ESYT2: variants seen among roughly 807,000 people sequenced by gnomAD.
The protein encoded by ESYT2 is extended synaptotagmin-2.
In ESYT2, 54 loss-of-function variants were observed where a neutral mutation model predicts 107.2. The ratio of observed to expected loss-of-function variants is 0.50; its 90% CI spans 0.40 to 0.63. The LOEUF (loss-of-function observed/expected upper bound fraction) is 0.63. Ranked by LOEUF, ESYT2 falls within the 30% of genes least tolerant of loss-of-function variation. The pLI is 0.00. For missense variants in ESYT2, 1,020 were observed against 1,094.5 expected, an observed-to-expected ratio of 0.93 and a Z score of 0.96; for synonymous variants, 491 against 434.1, an observed-to-expected ratio of 1.13 and a Z score of -1.63.
chr7:158,782,595 G>A (rs553727214), intron 6 of ESYT2, among the ~76,000 whole-genome samples: 14 of 22,472 alleles, frequency 6.2e-4, no homozygotes, highest in African/African-American at 9.5e-4. Context: ...TGAGTGTGAA[G>A]GAACAAGAGC....
chr7:158,820,542 G>A (rs974151766), intron 1 of ESYT2, among the ~76,000 whole-genome samples: 1 of 152,196 alleles, frequency 6.6e-6, no homozygotes. Context: ...TTCCCTCCCA[G>A]ATCTTTGGGA....
rs114103253 is a variant in ESYT2 at position 158,775,265 on chromosome 7, A to G, written c.748-1869T>C. On this transcript the variant is annotated intron_variant, in intron 6 of 22. Coordinates refer to ENST00000275418, the MANE Select transcript of ESYT2 (RefSeq NM_001367773.1). The stretch of plus-strand genomic sequence containing the variant: ...TCTGGCTGGTAGAGGGTTTTGCCTC[A>G]GTGCTGATGGTTGCTGACTGACCGG... Among the ~76,000 whole-genome samples the G allele has an allele frequency of 2.6e-3, 397 of 152,322 alleles. 4 individuals carry two copies. Among genetic ancestry groups the G allele is most frequent in the African/African-American group, 9.2e-3 (383 of 41,572 alleles).
rs1191361616 is a variant in ESYT2 at position 158,781,877 on chromosome 7, ACAAG to A, written c.747+6123_747+6126del. On this transcript the variant is annotated intron_variant, in intron 6 of 22. Coordinates refer to ENST00000275418, the MANE Select transcript of ESYT2 (RefSeq NM_001367773.1). The stretch of plus-strand genomic sequence containing the variant: ...GTGAGGTGTAAGTGTAAGAACGAGA[ACAAG>A]TAAGAACGAGAACAAGTGTGAGTGA... Among the ~76,000 whole-genome samples the A allele has an allele frequency of 9.6e-5, 7 of 72,652 alleles. No homozygotes were observed. In the Admixed American group the frequency reaches 1.1e-3, roughly 11 times the overall value. 47.7% of individuals were successfully genotyped at this position (72,652 alleles called of 152,430 possible).
intron 10 of ESYT2, 138 bp from the exon 11 acceptor site, chr7:158,761,682 C>G (rs1837968999): frequency 1.4e-6 from 1 of 703,514 alleles, no homozygotes; most frequent in African/African-American, 1.8e-5. Context: ...AGAAATGCAA[C>G]AAAACGCTAA....
At chr7:158,784,204 G>C (rs1290845256) in intron 6 of ESYT2, among the ~76,000 whole-genome samples, 1 of 152,216 alleles carries the variant, frequency 6.6e-6, no homozygotes, top group East Asian at 1.9e-4. Flanking sequence ...ATCCCAGAAA[G>C]TCGGGGAAAA....
chr7:158,829,217 C>G lies in ESYT2; in HGVS notation c.202G>C (p.Ala68Pro). Residue 68 changes from alanine (A) to proline (P), a missense_variant, in exon 1 of 23, where the codon GCG (alanine) becomes CCG (proline). By Grantham distance (27) the Ala-to-Pro change is conservative. Coordinates refer to ENST00000275418, the MANE Select transcript of ESYT2 (RefSeq NM_001367773.1). Reference protein sequence around the residue: ...LSFSWVLLALALLAWCRRSRG... With the variant: ...LSFSWVLLALPLLAWCRRSRG... ...CTGCGGCGACACCAGGCGAGCAGCG[C>G]GAGCGCGAGGAGAACCCAGCTGAAG... 1 of 1,529,546 alleles carries G rather than the reference C, an allele frequency of 6.5e-7. No homozygotes were observed. The highest frequency in any genetic ancestry group is 8.7e-7 in the Non-Finnish European group (1 of 1,145,934). 94.7% of individuals were successfully genotyped at this position (1,529,546 alleles called of 1,614,324 possible).
At position 158,748,374 on chromosome 7, in the gene ESYT2, A is replaced by G. The variant is rs1587384164; in HGVS notation, c.1558-94T>C. 9 of 1,062,622 alleles carry G rather than the reference A, an allele frequency of 8.5e-6. No homozygotes were observed. In the East Asian group the frequency reaches 2.2e-4, roughly 26 times the overall value. 65.8% of individuals were successfully genotyped at this position (1,062,622 alleles called of 1,614,324 possible). ...TAGAAGCTTAGAATGAAAAATAAAA[A>G]GAAAATAAATAAAACAAAAAACTAG... On this transcript the variant is annotated intron_variant, in intron 15 of 22. Coordinates refer to ENST00000275418, the MANE Select transcript of ESYT2 (RefSeq NM_001367773.1).
At position 158,761,560 on chromosome 7, in the gene ESYT2, TACG is replaced by T. The variant is rs760194630; in HGVS notation, c.1185-19_1185-17del. ...AATCATAAGACTATAAAAATAACAA[TACG>T]ACAACTTTAGAACATAGAAACACAT... On this transcript the variant is annotated splice_polypyrimidine_tract_variant and intron_variant, in intron 10 of 22. Transcript: ENST00000275418. 2 of 1,608,948 alleles carry T rather than the reference TACG, an allele frequency of 1.2e-6. No homozygotes were observed. Among genetic ancestry groups the T allele is most frequent in the Non-Finnish European group, 1.7e-6 (2 of 1,175,846 alleles).
At position 158,759,499 on chromosome 7, in the gene ESYT2, G is replaced by T. The variant is rs1837886496; in HGVS notation, c.1406C>A (p.Ala469Glu). ...SALLILYLDS[A>E]RNLPSNPLEF... is the part of the protein sequence containing the mutation. The stretch of plus-strand genomic sequence containing the variant: ...TGTGTTACCTACCGGAAGGTTCCTT[G>T]CTGAATCCAAGTACAAGATCAGCAA... The change falls in exon 13 of 23, where the codon GCA (alanine) becomes GAA (glutamate). Residue 469 changes from alanine (A) to glutamate (E), a missense_variant. Coordinates refer to ENST00000275418, the MANE Select transcript of ESYT2 (RefSeq NM_001367773.1). 1.2e-6 allele frequency: 2 copies of T among 1,610,686 alleles called. No individual in the cohort carries two copies. Among genetic ancestry groups the T allele is most frequent in the Non-Finnish European group, 1.7e-6 (2 of 1,177,282 alleles).
At chr7:158,794,701 CG>C (rs1554421986) in intron 3 of ESYT2, among the ~76,000 whole-genome samples, 2 of 137,300 alleles carry the variant, frequency 1.5e-5, no homozygotes, top group Non-Finnish European at 3.0e-5. Context: ...CCACTGAGCC[CG>C]GGGGGGTAAG....
At chr7:158,780,924 G>A (rs1262468963) in intron 6 of ESYT2, among the ~76,000 whole-genome samples, 1 of 152,232 alleles carries the variant, frequency 6.6e-6, no homozygotes, top group Non-Finnish European at 1.5e-5. Flanking sequence ...GGAAACACGT[G>A]TGTATGAGTG....
chr7:158,813,587 C>T (rs1840046735), intron 1 of ESYT2, among the ~76,000 whole-genome samples: 1 of 152,146 alleles, frequency 6.6e-6, no homozygotes, highest in Non-Finnish European at 1.5e-5. Context: ...AAATAAATAC[C>T]TTTCCAGACA....
In ESYT2 at chr7:158,761,526, A is replaced by G; in HGVS notation, c.1203T>C (p.Ile401=). ...DFLGSLMIDL[I]EVEKERLLDE... ...CTAAAAGGCGCTCCTTTTCAACTTC[A>G]ATGAGGTCAATCATAAGACTATAAA... The change falls in exon 11 of 23, where the codon ATT becomes ATC. Residue 401 remains isoleucine, a synonymous_variant. Transcript: ENST00000275418. 6.2e-7 allele frequency: 1 copy of G among 1,614,030 alleles called. No individual in the cohort carries two copies. The highest frequency in any genetic ancestry group is 8.5e-7 in the Non-Finnish European group (1 of 1,179,918).
chr7:158,739,186 C>T, intron 18 of ESYT2, 65 bp from the exon 19 acceptor site: 1 of 1,325,944 alleles, frequency 7.5e-7, no homozygotes, highest in Admixed American at 1.8e-5. Flanking sequence ...ATTCATTGGT[C>T]CACTGTACAC....
At chr7:158,788,258 T>TA (rs1839175552) in intron 5 of ESYT2, 87 bp downstream of exon 5, 3 of 1,370,522 alleles carry the variant, frequency 2.2e-6, no homozygotes, top group South Asian at 1.3e-5. Flanking sequence ...AATTCCAAGC[T>TA]AAAAAAACTT....
chr7:158,757,840 G>C (rs1032177674), intron 13 of ESYT2, among the ~76,000 whole-genome samples: 7 of 151,382 alleles, frequency 4.6e-5, no homozygotes, highest in Non-Finnish European at 8.8e-5. Context: ...CAGTTCTAAA[G>C]AGGCCTAACC....
At chr7:158,790,701 C>T (rs753910739) in intron 4 of ESYT2, among the ~76,000 whole-genome samples, 13 of 152,160 alleles carry the variant, frequency 8.5e-5, no homozygotes, top group African/African-American at 2.4e-4. Flanking sequence ...CCGAGGCAGG[C>T]GGATCACTTG....
intron 6 of ESYT2, among the ~76,000 whole-genome samples, chr7:158,782,424 A>T: frequency 6.7e-6 from 1 of 150,350 alleles, no homozygotes; most frequent in African/African-American, 2.4e-5. Flanking sequence ...GTGTGAGAAC[A>T]AAGTGAGGTG....
At position 158,825,019 on chromosome 7, in the gene ESYT2, G is replaced by A. The variant is rs1052951274; in HGVS notation, c.330+4070C>T. On this transcript the variant is annotated intron_variant, in intron 1 of 22. Transcript: ENST00000275418. ...CTTTAAAAAACAAAAAAGGCTGGGC[G>A]CGGTGGTTCATGCCTGTAATCCCAG... Among the ~76,000 whole-genome samples the A allele has an allele frequency of 4.6e-5, 7 of 152,178 alleles. 1 individual carries two copies. Among genetic ancestry groups the A allele is most frequent in the Admixed American group, 1.3e-4 (2 of 15,278 alleles).
Sources: allele counts gnomAD v4.1 joint callset (sites outside exome capture counted in the v4.1 genomes callset), GRCh38; gene constraint gnomAD v4.1.1; transcripts MANE v1.5; gene names NCBI Gene and HGNC (gene_info 2026-07-23, HGNC 2026-07-21).